Variants in RANBP2 observed in about 807,000 individuals in gnomAD.
RANBP2 encodes the protein RAN binding protein 2, also known as E3 SUMO-protein ligase RanBP2.
RANBP2 carries 57 observed loss-of-function variants against 303.6 expected under a neutral mutation model. The ratio of observed to expected loss-of-function variants is 0.19; its 90% CI spans 0.15 to 0.23. The LOEUF (loss-of-function observed/expected upper bound fraction) is 0.23, where lower values mean the gene tolerates loss of function less well. Among genes scored for constraint, RANBP2 ranks in the 10% least tolerant of loss-of-function variants. RANBP2 has a pLI of 1.00. For missense variants in RANBP2, 3,138 were observed against 3,780.8 expected, an observed-to-expected ratio of 0.83 and a Z score of 4.46; for synonymous variants, 1,167 against 1,301.5, an observed-to-expected ratio of 0.90 and a Z score of 2.23.
the RANBP2 span, among the ~76,000 whole-genome samples, chr2:109,647,154 A>ATTTT: frequency 2.3e-5 from 2 of 87,774 alleles, no homozygotes; most frequent in African/African-American, 9.6e-5. Context: ...GGCTCTCCTC[A>ATTTT]CTTTTTTTTT....
At chr2:109,046,995 GCCTGC>G in the RANBP2 span, among the ~76,000 whole-genome samples, 8 of 151,946 alleles carry the variant, frequency 5.3e-5, no homozygotes, top group Non-Finnish European at 8.8e-5. Flanking sequence ...GCTGCACCCG[GCCTGC>G]CCTGCCCTGC....
At chr2:109,221,443 T>G in the RANBP2 span, among the ~76,000 whole-genome samples, 3 of 152,028 alleles carry the variant, frequency 2.0e-5, no homozygotes, top group South Asian at 6.2e-4. Context: ...ATTAGCCAAG[T>G]GTGGTGGTGC....
the RANBP2 span, among the ~76,000 whole-genome samples, chr2:108,978,764 A>T: frequency 6.6e-6 from 1 of 152,206 alleles, no homozygotes; most frequent in African/African-American, 2.4e-5. Flanking sequence ...GAGACAGTCT[A>T]TCGGTAAGCT....
chr2:109,501,231 T>TGAAACAAG, the RANBP2 span, among the ~76,000 whole-genome samples: 1 of 152,014 alleles, frequency 6.6e-6, no homozygotes, highest in Non-Finnish European at 1.5e-5. Flanking sequence ...TGTGCTTGGG[T>TGAAACAAG]GGAGAATCTT....
chr2:109,111,344 G>C, the RANBP2 span, among the ~76,000 whole-genome samples: 1 of 152,078 alleles, frequency 6.6e-6, no homozygotes, highest in East Asian at 1.9e-4. Flanking sequence ...TGAAGGACTG[G>C]GAATGGTGTT....
the RANBP2 span, among the ~76,000 whole-genome samples, chr2:108,982,889 C>T: frequency 1.9e-3 from 285 of 152,304 alleles, 1 homozygote; most frequent in African/African-American, 6.2e-3. Context: ...AAGGACTGGC[C>T]ACCCAGACAG....
chr2:109,125,059 G>C, the RANBP2 span, among the ~76,000 whole-genome samples: 4 of 152,382 alleles, frequency 2.6e-5, no homozygotes, highest in East Asian at 7.7e-4. Flanking sequence ...GGCCAGGAAA[G>C]CAGTGGAGGC....
the RANBP2 span, among the ~76,000 whole-genome samples, chr2:109,538,522 G>GT: frequency 1.3e-5 from 2 of 152,138 alleles, no homozygotes; most frequent in Admixed American, 1.3e-4. Context: ...ACTTTATGCC[G>GT]TGTCTTTTAT....
the RANBP2 span, among the ~76,000 whole-genome samples, chr2:109,286,917 T>A: frequency 6.6e-6 from 1 of 152,200 alleles, no homozygotes; most frequent in African/African-American, 2.4e-5. Flanking sequence ...AGTCTGCATC[T>A]GAAAAGACAG....
At chr2:109,092,004 G>C in the RANBP2 span, among the ~76,000 whole-genome samples, 1 of 152,104 alleles carries the variant, frequency 6.6e-6, no homozygotes, top group Non-Finnish European at 1.5e-5. Flanking sequence ...CCTGAATCAG[G>C]AAGATCTGAG....
the RANBP2 span, among the ~76,000 whole-genome samples, chr2:109,579,020 T>C: frequency 4.6e-5 from 7 of 151,998 alleles, no homozygotes; most frequent in Non-Finnish European, 8.8e-5. Flanking sequence ...ATTAAATAAA[T>C]TGACAACACT....
At chr2:109,580,474 CA>C in the RANBP2 span, among the ~76,000 whole-genome samples, 5,872 of 150,910 alleles carry the variant, frequency 0.039, 401 homozygotes, top group African/African-American at 0.14. Context: ...ACCAAATAAA[CA>C]AAAAAACCAC....
At chr2:109,617,414 T>C in the RANBP2 span, 1 of 167,128 alleles carries the variant, frequency 6.0e-6, no homozygotes, top group East Asian at 1.9e-4. Context: ...TAATTACATT[T>C]CATTCATTTA....
At chr2:109,648,779 G>A in the RANBP2 span, among the ~76,000 whole-genome samples, 178 of 151,092 alleles carry the variant, frequency 1.2e-3, no homozygotes, top group African/African-American at 4.0e-3. Flanking sequence ...TCAGCCTCCC[G>A]AGTAGCTGGG....
chr2:108,777,649 A>T (rs1353793869), intron 25 of RANBP2, among the ~76,000 whole-genome samples: 1 of 151,984 alleles, frequency 6.6e-6, no homozygotes, highest in African/African-American at 2.4e-5. Context: ...GTGCTAATTT[A>T]TTGTGCTAAG....
chr2:108,732,452 A>G (rs911086452), intron 4 of RANBP2, among the ~76,000 whole-genome samples: 13 of 152,204 alleles, frequency 8.5e-5, no homozygotes, highest in African/African-American at 2.7e-4. Context: ...GTATCCTGCA[A>G]ATATTCCAAA....
chr2:109,570,676 C>T, the RANBP2 span, among the ~76,000 whole-genome samples: 7 of 151,916 alleles, frequency 4.6e-5, no homozygotes, highest in East Asian at 1.4e-3. Context: ...TGCCTGCCAC[C>T]ATGCCCAGCT....
the RANBP2 span, among the ~76,000 whole-genome samples, chr2:109,078,197 C>CAT: frequency 4.4e-3 from 148 of 34,002 alleles, 7 homozygotes; most frequent in African/African-American, 0.018. Flanking sequence ...ATATATATAG[C>CAT]GTATATATAT....
the RANBP2 span, chr2:109,313,538 C>T: frequency 6.5e-6 from 1 of 154,890 alleles, no homozygotes; most frequent in Non-Finnish European, 1.5e-5. Flanking sequence ...TGGTCTTAAG[C>T]ATCACTGAGG....
Sources: gnomAD v4.1 joint callset for allele counts (sites outside exome capture counted in the v4.1 genomes callset) on GRCh38, gnomAD v4.1.1 for gene constraint, MANE v1.5 for transcripts, NCBI Gene and HGNC (gene_info 2026-07-23, HGNC 2026-07-21) for gene names.